Variants in USH2A observed in about 807,000 individuals in gnomAD.
The protein encoded by USH2A is usherin, also known as Usher syndrome 2A (autosomal recessive, mild).
A neutral mutation model predicts 538.9 loss-of-function variants in USH2A; 443 were observed. The ratio of observed to expected loss-of-function variants is 0.82; its 90% confidence interval spans 0.76 to 0.89. USH2A has a LOEUF of 0.89. USH2A is among the 40% of genes least tolerant of loss of function. The pLI is 0.00. For missense variants in USH2A, 6,633 were observed against 6,324.8 expected (o/e 1.05, Z -1.65); for synonymous variants, 2,413 against 2,273.5 (o/e 1.06, Z -1.75).
At chr1:216,421,737 C>G in intron 2 of USH2A, 115 bp downstream of exon 2, 1 of 1,525,246 alleles carries the variant, frequency 6.6e-7, no homozygotes, top group South Asian at 1.2e-5. Context: ...AGTTAGTCTT[C>G]AATACCATGA....
chr1:215,899,457 T>C (rs1665435150), intron 40 of USH2A, among the ~76,000 whole-genome samples: 1 of 152,230 alleles, frequency 6.6e-6, no homozygotes, highest in Admixed American at 6.5e-5. Context: ...AAACCAAATG[T>C]TATAGTCATG....
chr1:216,198,017 G>A (rs1420943341), intron 18 of USH2A, among the ~76,000 whole-genome samples: 1 of 152,058 alleles, frequency 6.6e-6, no homozygotes, highest in East Asian at 1.9e-4. Flanking sequence ...TTCAGGAGTG[G>A]AAACCAAATG....
In USH2A at chr1:216,073,401, G is replaced by T. The variant is rs61409787; in HGVS notation, c.5573-101C>A. On this transcript the variant is annotated intron_variant, in intron 27 of 71. Transcript: ENST00000307340. ...CACTACATTTTGAGGAAGGGGGGTGGTTAGATACAATTGCTAGACTTTCGA... is the reference window on the plus strand; with the variant it reads ...CACTACATTTTGAGGAAGGGGGGTGTTTAGATACAATTGCTAGACTTTCGA... The T allele has an allele frequency of 3.3e-4, 419 of 1,267,134 alleles. 3 individuals carry two copies. The African/African-American group carries it at 5.5e-3, about 16-fold the overall frequency. 78.5% of individuals were successfully genotyped at this position (1,267,134 alleles called of 1,614,324 possible).
Position 215,713,414 on chromosome 1 carries a change from G to A in USH2A, c.12066+14616C>T, listed in dbSNP as rs147265024. 5.8e-3 allele frequency among the ~76,000 whole-genome samples: 880 copies of A among 152,206 alleles called. 3 individuals carry two copies. The highest frequency in any genetic ancestry group is 0.02 in the African/African-American group (844 of 41,540). The stretch of plus-strand genomic sequence containing the variant: ...ATGCTGCTAACCACCTCACTCAATA[G>A]CTTTGCTAGGCATCTCTTGGGAGTA... On this transcript the variant is annotated intron_variant, in intron 61 of 71. Transcript: ENST00000307340.
At chr1:215,738,062 G>A (rs1486767924) in intron 60 of USH2A, among the ~76,000 whole-genome samples, 1 of 151,808 alleles carries the variant, frequency 6.6e-6, no homozygotes, top group Non-Finnish European at 1.5e-5. Context: ...CATGAAATTT[G>A]GTTTCTATTA....
intron 14 of USH2A, among the ~76,000 whole-genome samples, chr1:216,222,614 G>T (rs558300922): frequency 6.6e-6 from 1 of 152,164 alleles, no homozygotes; most frequent in African/African-American, 2.4e-5. Context: ...GAGAAAACAT[G>T]TAAGGACATA....
rs60766928 is a variant in USH2A, at chr1:215,840,163, C to CAAA, written c.9259-2063_9259-2061dup. Among the ~76,000 whole-genome samples, 265 of 29,566 alleles carry CAAA rather than the reference C, an allele frequency of 9.0e-3. 24 individuals carry two copies. Among genetic ancestry groups the CAAA allele is most frequent in the African/African-American group, 9.9e-3 (89 of 8,946 alleles). The allele number at this position is 29,566 out of a possible 152,430, so 19.4% of individuals were successfully genotyped here. On this transcript the variant is annotated intron_variant, in intron 46 of 71. Coordinates refer to ENST00000307340, the MANE Select transcript of USH2A (RefSeq NM_206933.4). ...GGGTGAGAAGAGTGAGACTCTGTCT[C>CAAA]AAAAAAAAAAAAAAAAAAAAAAAAA...
At chr1:216,174,132 A>C in intron 21 of USH2A, 1 of 985,342 alleles carries the variant, frequency 1.0e-6, no homozygotes, top group Non-Finnish European at 1.2e-6. Context: ...GTCTCAATGA[A>C]AAGCAAACTA....
intron 49 of USH2A, among the ~76,000 whole-genome samples, chr1:215,805,161 G>C (rs111694818): frequency 0.021 from 3,185 of 151,986 alleles, 106 homozygotes; most frequent in African/African-American, 0.073. Context: ...GGAGGGATAG[G>C]ATTAGGAGAT....
chr1:216,113,460 T>C (rs1446185251), intron 21 of USH2A, among the ~76,000 whole-genome samples: 1 of 152,174 alleles, frequency 6.6e-6, no homozygotes, highest in Non-Finnish European at 1.5e-5. Flanking sequence ...CAGGAATAGT[T>C]TGGCCTGGCA....
chr1:216,371,666 C>G (rs887529998), intron 3 of USH2A, among the ~76,000 whole-genome samples: 5 of 152,176 alleles, frequency 3.3e-5, no homozygotes, highest in Middle Eastern at 3.2e-3. Flanking sequence ...CTGTCAAAAT[C>G]TTTTTGGATG....
intron 44 of USH2A, among the ~76,000 whole-genome samples, chr1:215,865,605 C>T (rs12090696): frequency 0.031 from 4,653 of 152,130 alleles, 271 homozygotes; most frequent in African/African-American, 0.11. Flanking sequence ...AAAACACATC[C>T]CCAGATAAAA....
chr1:216,344,564 T>C (rs190858904), intron 4 of USH2A, among the ~76,000 whole-genome samples: 38 of 152,104 alleles, frequency 2.5e-4, no homozygotes, highest in African/African-American at 8.7e-4. Context: ...ATCTTTCTGG[T>C]GAACCATGGA....
In USH2A at chr1:215,648,552, A is replaced by T; in HGVS notation, c.14558T>A (p.Met4853Lys). Reference sequence around the variant, plus strand: ...CCTGTGAATGACACCATTGGGGAACATGGGGGGACTCCACCGGAAGGAGGC... The same window carrying T: ...CCTGTGAATGACACCATTGGGGAACTTGGGGGGACTCCACCGGAAGGAGGC... The part of the protein sequence containing the change: ...RTASFRWSPP[M>K]FPNGVIHSYE... The change falls in exon 66 of 72, where the codon ATG (methionine) becomes AAG (lysine). Residue 4853 changes from methionine to lysine, a missense_variant. Physicochemically the swap from Met to Lys is moderately conservative, Grantham distance 95. Transcript: ENST00000307340. The T allele has an allele frequency of 6.2e-7, 1 of 1,614,142 alleles. No individual in the cohort carries two copies. The highest frequency in any genetic ancestry group is 8.5e-7 in the Non-Finnish European group (1 of 1,180,020).
intron 21 of USH2A, among the ~76,000 whole-genome samples, chr1:216,157,926 G>A (rs1403100276): frequency 2.0e-5 from 3 of 152,048 alleles, no homozygotes; most frequent in East Asian, 3.9e-4. Flanking sequence ...AAACCCGCAT[G>A]TTGTACCCAT....
chr1:216,327,379 T>C (rs1009752275), intron 5 of USH2A, among the ~76,000 whole-genome samples: 4 of 152,162 alleles, frequency 2.6e-5, no homozygotes, highest in Admixed American at 2.6e-4. Flanking sequence ...AAAAATGTGA[T>C]CAATTTCATA....
chr1:215,771,694 A>G (rs1661294268), intron 55 of USH2A, among the ~76,000 whole-genome samples: 1 of 146,812 alleles, frequency 6.8e-6, no homozygotes, highest in African/African-American at 2.5e-5. Flanking sequence ...TGAGATACTG[A>G]GTCATGTTCT....
At chr1:215,873,705 C>T (rs893192438) in intron 43 of USH2A, among the ~76,000 whole-genome samples, 6 of 149,522 alleles carry the variant, frequency 4.0e-5, no homozygotes, top group Admixed American at 2.7e-4. Context: ...AAAAATAAGA[C>T]GAAAATGTGT....
intron 31 of USH2A, 33 bp from the exon 32 acceptor site, chr1:216,046,625 T>G (rs2030533928): frequency 6.2e-7 from 1 of 1,612,826 alleles, no homozygotes; most frequent in East Asian, 2.2e-5. Flanking sequence ...AGTCTAATTT[T>G]AGTTTACTTT....
Sources: allele counts gnomAD v4.1 joint callset (sites outside exome capture counted in the v4.1 genomes callset), GRCh38; gene constraint gnomAD v4.1.1; transcripts MANE v1.5; gene names NCBI Gene and HGNC (gene_info 2026-07-23, HGNC 2026-07-21).